The following HOMER1 variants were observed in gnomAD, a reference collection of about 807,000 sequenced individuals.
HOMER1 encodes homer scaffold protein 1, also known as homer protein homolog 1.
A neutral mutation model predicts 48.9 loss-of-function variants in HOMER1; 3 were observed. The observed-to-expected ratio is 0.06, with a 90% CI of 0.03 to 0.16. The LOEUF (loss-of-function observed/expected upper bound fraction) is 0.16, where lower values mean the gene tolerates loss of function less well. Among genes scored for constraint, HOMER1 ranks in the 10% least tolerant of loss-of-function variants. HOMER1 has a pLI of 1.00. For synonymous variants in HOMER1, 134 were observed against 146.4 expected, an observed-to-expected ratio of 0.92 and a Z score of 0.61; for missense variants, 247 against 411.4, an observed-to-expected ratio of 0.60 and a Z score of 3.46.
intron 1 of HOMER1, 27 bp downstream of exon 1, chr5:79,512,743 A>G (rs1222043714): frequency 6.2e-7 from 1 of 1,611,074 alleles, no homozygotes; most frequent in Non-Finnish European, 8.5e-7. Flanking sequence ...ACAGATTCGA[A>G]GCTGTGTTAA....
intron 5 of HOMER1, among the ~76,000 whole-genome samples, chr5:79,404,306 T>C (rs1278726949): frequency 1.3e-5 from 2 of 152,148 alleles, no homozygotes; most frequent in Non-Finnish European, 2.9e-5. Flanking sequence ...ATGAGGGTGT[T>C]TTTCTATTAT....
intron 1 of HOMER1, among the ~76,000 whole-genome samples, chr5:79,473,835 CT>C (rs1317278845): frequency 6.6e-6 from 1 of 152,064 alleles, no homozygotes; most frequent in Non-Finnish European, 1.5e-5. Flanking sequence ...TATTCCAATA[CT>C]AAGTATGGCT....
chr5:79,445,506 G>A (rs1750850340), intron 4 of HOMER1, among the ~76,000 whole-genome samples: 1 of 152,054 alleles, frequency 6.6e-6, no homozygotes, highest in Admixed American at 6.6e-5. Flanking sequence ...GGAAGATTAT[G>A]ATGGACAAGT....
chr5:79,428,377 G>C (rs1319488693), intron 5 of HOMER1, among the ~76,000 whole-genome samples: 1 of 151,880 alleles, frequency 6.6e-6, no homozygotes, highest in Non-Finnish European at 1.5e-5. Flanking sequence ...CTTCTATCAG[G>C]AACAAGATTA....
At chr5:79,485,862 C>G (rs1425830762) in intron 1 of HOMER1, among the ~76,000 whole-genome samples, 1 of 152,174 alleles carries the variant, frequency 6.6e-6, no homozygotes, top group Non-Finnish European at 1.5e-5. Flanking sequence ...TTTTAGAACA[C>G]CTTGTTATTT....
chr5:79,476,890 C>A (rs1751795082), intron 1 of HOMER1, among the ~76,000 whole-genome samples: 5 of 152,142 alleles, frequency 3.3e-5, no homozygotes, highest in Non-Finnish European at 5.9e-5. Context: ...ATTGAAAAAA[C>A]CCAACGAGGC....
intron 1 of HOMER1, among the ~76,000 whole-genome samples, chr5:79,497,059 CAAAA>C (rs5868996): frequency 3.8e-5 from 2 of 52,782 alleles, no homozygotes; most frequent in Non-Finnish European, 7.0e-5. Context: ...GACTTTGTCT[CAAAA>C]AAAAAAAAAA....
At chr5:79,414,145 T>C (rs2112237757) in intron 5 of HOMER1, among the ~76,000 whole-genome samples, 1 of 152,124 alleles carries the variant, frequency 6.6e-6, no homozygotes, top group African/African-American at 2.4e-5. Flanking sequence ...TGGAGTGCAG[T>C]GATGTGATCA....
In HOMER1 at chr5:79,439,140, C is replaced by A. The variant is rs1750675348; in HGVS notation, c.397G>T (p.Gly133Cys). The change falls in exon 5 of 9, where the codon GGC (glycine) becomes TGC (cysteine). Residue 133 changes from glycine (G) to cysteine (C), a missense_variant. Physicochemically the swap from Gly to Cys is radical, Grantham distance 159. Coordinates refer to ENST00000334082, the MANE Select transcript of HOMER1 (RefSeq NM_004272.5). ...LTSTPSQESA[G>C]GDLQSPLTPE... Reference sequence around the variant, plus strand: ...GTTAAAGGAGACTGAAGATCCCCGCCTGCGGATTCCTTTAAAAAAAGGGGT... The same window carrying A: ...GTTAAAGGAGACTGAAGATCCCCGCATGCGGATTCCTTTAAAAAAAGGGGT... The A allele has an allele frequency of 3.7e-6, 6 of 1,613,732 alleles. No individual in the cohort carries two copies. Among genetic ancestry groups the A allele is most frequent in the Non-Finnish European group, 5.1e-6 (6 of 1,179,928 alleles).
chr5:79,452,243 A>T (rs1365790012), intron 2 of HOMER1, among the ~76,000 whole-genome samples: 1 of 152,218 alleles, frequency 6.6e-6, no homozygotes, highest in Non-Finnish European at 1.5e-5. Context: ...AGTGGTATAG[A>T]TTCATGATAT....
In HOMER1 at chr5:79,513,556, A is replaced by T. The variant is rs1753003810; in HGVS notation, c.-782T>A. 1 of 152,112 alleles carries T rather than the reference A, an allele frequency of 6.6e-6. No homozygotes were observed. The allele number at this position is 152,112 out of a possible 1,614,324, so 9.4% of individuals were successfully genotyped here. Reference sequence around the variant, plus strand: ...GCACGCCGGAGAGCTGGAGGAGGGGACCCGATCCCACCTCCCTCAGCCCCT... The same window carrying T: ...GCACGCCGGAGAGCTGGAGGAGGGGTCCCGATCCCACCTCCCTCAGCCCCT... On this transcript the variant is annotated 5_prime_UTR_variant, in exon 1 of 9. Coordinates refer to ENST00000334082, the MANE Select transcript of HOMER1 (RefSeq NM_004272.5).
intron 6 of HOMER1, among the ~76,000 whole-genome samples, chr5:79,398,290 G>A (rs2112215695): frequency 6.9e-6 from 1 of 145,350 alleles, no homozygotes; most frequent in East Asian, 2.0e-4. Context: ...ATCAGCAATA[G>A]ACAGAAGTCA....
chr5:79,508,204 G>T (rs1752830562), intron 1 of HOMER1, among the ~76,000 whole-genome samples: 1 of 152,202 alleles, frequency 6.6e-6, no homozygotes, highest in South Asian at 2.1e-4. Context: ...GAAGAGAAGT[G>T]CTTTTCAAAT....
intron 5 of HOMER1, among the ~76,000 whole-genome samples, chr5:79,427,783 ATTTCCTTCCTTCCTTCC>A (rs1400692032): frequency 5.9e-5 from 4 of 67,518 alleles, no homozygotes; most frequent in South Asian, 4.2e-4. Flanking sequence ...CCTTTCCTTC[ATTTCCTTCCTTCCTTCC>A]TTTCCTTCCT....
Position 79,376,192 on chromosome 5 carries a change from T to C in HOMER1, c.882A>G (p.Val294=), listed in dbSNP as rs1748768379. Residue 294 remains valine, a synonymous_variant, in exon 9 of 9, where the codon GTA becomes GTG. Transcript: ENST00000334082. ...CCTCCAGGTCTTTGTTCCGAATTTC[T>C]ACTTCCTTCAGAAACAAAAGTGTAA... The part of the protein sequence containing the change: ...RDSLTQKLQE[V]EIRNKDLEGQ... 1 of 1,610,164 alleles carries C rather than the reference T, an allele frequency of 6.2e-7. No homozygotes were observed. The highest frequency in any genetic ancestry group is 8.5e-7 in the Non-Finnish European group (1 of 1,178,276).
At chr5:79,379,451 AAT>A (rs1375329777) in intron 8 of HOMER1, among the ~76,000 whole-genome samples, 1 of 110,980 alleles carries the variant, frequency 9.0e-6, no homozygotes, top group Admixed American at 1.3e-4. Flanking sequence ...ATATTTATAT[AAT>A]ATATAATATA....
chr5:79,433,315 CT>C (rs1260299679), intron 5 of HOMER1, among the ~76,000 whole-genome samples: 3 of 152,104 alleles, frequency 2.0e-5, no homozygotes, highest in African/African-American at 7.2e-5. Flanking sequence ...CTGTCATCTC[CT>C]TTGGGGGGCC....
At position 79,448,349 on chromosome 5, in the gene HOMER1, A is replaced by T. The variant is rs572503626; in HGVS notation, c.295-1204T>A. On this transcript the variant is annotated intron_variant, in intron 3 of 8. Transcript: ENST00000334082. ...TTCTTACACTAATTTAACATTCCAC[A>T]ATAGTTAATCTTTAAAAGCCTTCTC... Among the ~76,000 whole-genome samples the T allele has an allele frequency of 2.0e-5, 3 of 152,324 alleles. No homozygotes were observed. The South Asian group carries it at 6.2e-4, about 32-fold the overall frequency.
chr5:79,508,535 C>T (rs1388547767), intron 1 of HOMER1, among the ~76,000 whole-genome samples: 1 of 152,190 alleles, frequency 6.6e-6, no homozygotes, highest in Non-Finnish European at 1.5e-5. Flanking sequence ...TCTTGCTACA[C>T]CAAAGGGAGC....
Sources: allele counts gnomAD v4.1 joint callset (sites outside exome capture counted in the v4.1 genomes callset), GRCh38; gene constraint gnomAD v4.1.1; transcripts MANE v1.5; gene names NCBI Gene and HGNC (gene_info 2026-07-23, HGNC 2026-07-21).